ADGRL2: variants seen among roughly 807,000 people sequenced by gnomAD.
The protein encoded by ADGRL2 is adhesion G protein-coupled receptor L2.
Under a neutral mutation model 157.4 loss-of-function variants are expected in ADGRL2, and 44 were observed. That is an observed-to-expected ratio of 0.28 (90% CI 0.22 to 0.36). ADGRL2 has a LOEUF of 0.36. Ranked by LOEUF, ADGRL2 falls within the 10% of genes least tolerant of loss-of-function variation. The probability of loss-of-function intolerance (pLI) is 1.00; values close to 1 mark genes in which losing one functional copy is unlikely to be tolerated. For missense variants in ADGRL2, 1,510 were observed against 1,768.9 expected (o/e 0.85, Z 2.63); for synonymous variants, 585 against 624.7 (o/e 0.94, Z 0.95).
At chr1:81,378,990 C>G (rs1388881876) in intron 1 of ADGRL2, among the ~76,000 whole-genome samples, 1 of 151,790 alleles carries the variant, frequency 6.6e-6, no homozygotes, top group Admixed American at 6.6e-5. Flanking sequence ...TTTGTTAATA[C>G]CTCTCAGCTG....
At chr1:81,360,185 T>C (rs556255725) in intron 1 of ADGRL2, among the ~76,000 whole-genome samples, 26 of 152,052 alleles carry the variant, frequency 1.7e-4, no homozygotes, top group Non-Finnish European at 3.2e-4. Flanking sequence ...TAAGCTTCAC[T>C]CTGCCTATTT....
At chr1:81,925,107 A>C (rs1355683333) in intron 3 of ADGRL2, among the ~76,000 whole-genome samples, 2 of 152,088 alleles carry the variant, frequency 1.3e-5, no homozygotes, top group African/African-American at 4.8e-5. Context: ...GAAGGACATA[A>C]GGAAACACAG....
intron 11 of ADGRL2, among the ~76,000 whole-genome samples, chr1:81,957,184 T>TA (rs61224384): frequency 0.45 from 66,692 of 147,112 alleles, 15,463 homozygotes; most frequent in African/African-American, 0.49. Context: ...TGAAAATTAT[T>TA]AAAAAAAAAA....
chr1:81,625,351 A>G (rs2081889190), intron 3 of ADGRL2, among the ~76,000 whole-genome samples: 1 of 151,956 alleles, frequency 6.6e-6, no homozygotes, highest in South Asian at 2.1e-4. Context: ...GTAAAAATAG[A>G]TTTTTCATTA....
chr1:81,403,485 C>T (rs182784361), intron 1 of ADGRL2, among the ~76,000 whole-genome samples: 8 of 152,076 alleles, frequency 5.3e-5, no homozygotes, highest in Non-Finnish European at 7.4e-5. Context: ...AGGCTGGTCT[C>T]GAACTCCTGA....
chr1:81,461,754 A>G (rs190387168), intron 2 of ADGRL2, among the ~76,000 whole-genome samples: 3 of 152,282 alleles, frequency 2.0e-5, no homozygotes, highest in Non-Finnish European at 2.9e-5. Flanking sequence ...AATCTCCTAT[A>G]TAAAGATAGC....
chr1:81,390,047 C>T (rs2076505673), intron 1 of ADGRL2, among the ~76,000 whole-genome samples: 1 of 149,950 alleles, frequency 6.7e-6, no homozygotes, highest in African/African-American at 2.5e-5. Context: ...TTCTTCCTCA[C>T]CTTTCTACCA....
chr1:81,871,065 C>T (rs1207653766), intron 2 of ADGRL2, among the ~76,000 whole-genome samples: 2 of 149,664 alleles, frequency 1.3e-5, no homozygotes, highest in African/African-American at 2.5e-5. Flanking sequence ...AGGTATGTCT[C>T]CTAATGCTAT....
intron 3 of ADGRL2, chr1:81,588,437 C>T (rs909430466): frequency 3.9e-5 from 6 of 152,182 alleles, no homozygotes; most frequent in African/African-American, 1.4e-4. Context: ...GTCACATGTC[C>T]TGGGCTCCTG....
intron 3 of ADGRL2, among the ~76,000 whole-genome samples, chr1:81,622,978 A>C (rs912461763): frequency 6.6e-6 from 1 of 152,204 alleles, no homozygotes; most frequent in Non-Finnish European, 1.5e-5. Context: ...AATTTTATTA[A>C]GTGGTCATCA....
At chr1:81,826,714 A>T (rs1353267648) in intron 1 of ADGRL2, among the ~76,000 whole-genome samples, 1 of 152,190 alleles carries the variant, frequency 6.6e-6, no homozygotes, top group African/African-American at 2.4e-5. Flanking sequence ...TGGCAAATTT[A>T]TCCTTATCGC....
chr1:81,430,367 C>G (rs1354506681), intron 1 of ADGRL2, among the ~76,000 whole-genome samples: 1 of 152,122 alleles, frequency 6.6e-6, no homozygotes, highest in Non-Finnish European at 1.5e-5. Flanking sequence ...TTCAACAGGG[C>G]TAGAGAAGCC....
chr1:81,482,888 G>A (rs2078420018), intron 2 of ADGRL2, among the ~76,000 whole-genome samples: 1 of 151,556 alleles, frequency 6.6e-6, no homozygotes, highest in African/African-American at 2.4e-5. Flanking sequence ...ATTTTACAGT[G>A]AGCACACAGA....
chr1:81,898,070 A>G (rs1571989860), intron 2 of ADGRL2, among the ~76,000 whole-genome samples: 1 of 152,146 alleles, frequency 6.6e-6, no homozygotes, highest in East Asian at 1.9e-4. Context: ...TGATTGTACC[A>G]CTGCACTCCA....
chr1:81,663,241 C>A (rs957940742), intron 3 of ADGRL2, among the ~76,000 whole-genome samples: 1 of 151,964 alleles, frequency 6.6e-6, no homozygotes, highest in African/African-American at 2.4e-5. Flanking sequence ...GAGTCTTCAC[C>A]GCACCCAAAT....
chr1:81,814,384 TAA>T (rs1385928830), intron 1 of ADGRL2, among the ~76,000 whole-genome samples: 2 of 151,520 alleles, frequency 1.3e-5, no homozygotes, highest in Admixed American at 6.6e-5. Context: ...TATTATGTAT[TAA>T]GAGGGTAGAT....
intron 3 of ADGRL2, among the ~76,000 whole-genome samples, chr1:81,628,280 G>A (rs894449425): frequency 1.3e-5 from 2 of 152,136 alleles, no homozygotes; most frequent in African/African-American, 2.4e-5. Context: ...TTCAGAGTGA[G>A]GACATCATTA....
At chr1:81,450,019 A>C (rs185833563) in intron 2 of ADGRL2, among the ~76,000 whole-genome samples, 1 of 152,310 alleles carries the variant, frequency 6.6e-6, no homozygotes, top group Non-Finnish European at 1.5e-5. Context: ...CCGATGAGTC[A>C]GTTTCCCTAG....
chr1:81,825,620 C>A, intron 1 of ADGRL2, among the ~76,000 whole-genome samples: 1 of 129,700 alleles, frequency 7.7e-6, no homozygotes, highest in East Asian at 2.2e-4. Context: ...GCTGGGATTA[C>A]AGGCATGAGT....
Sources: gnomAD v4.1 joint callset for allele counts (sites outside exome capture counted in the v4.1 genomes callset) on GRCh38, gnomAD v4.1.1 for gene constraint, MANE v1.5 for transcripts, NCBI Gene and HGNC (gene_info 2026-07-23, HGNC 2026-07-21) for gene names.